PRELID2: variants seen among roughly 807,000 people sequenced by gnomAD.
PRELID2 encodes PRELI domain-containing protein 2.
Under a neutral mutation model 28.4 loss-of-function variants are expected in PRELID2, and 25 were observed. That is an observed-to-expected ratio of 0.88 (90% CI 0.64 to 1.23). PRELID2 has a LOEUF of 1.23. Ranked by LOEUF, PRELID2 falls within the 50% of genes most tolerant of loss-of-function variation. The probability of loss-of-function intolerance (pLI) is 0.00; values close to 1 mark genes in which losing one functional copy is unlikely to be tolerated. For missense variants in PRELID2, 201 were observed against 214.4 expected (o/e 0.94, Z 0.39); for synonymous variants, 76 against 71.6 (o/e 1.06, Z -0.31).
intron 1 of PRELID2, among the ~76,000 whole-genome samples, chr5:145,490,422 T>G (rs776532917): frequency 2.0e-4 from 30 of 152,220 alleles, no homozygotes; most frequent in Non-Finnish European, 4.1e-4. Context: ...TGATTACTTC[T>G]TCTCAAGCTC....
At chr5:145,815,078 A>G (rs547323706) in intron 4 of PRELID2, among the ~76,000 whole-genome samples, 2 of 152,286 alleles carry the variant, frequency 1.3e-5, no homozygotes, top group Admixed American at 6.5e-5. Context: ...TTGGGAGGTA[A>G]TTAGGTTTTC....
chr5:145,368,062 C>T, the PRELID2 span, among the ~76,000 whole-genome samples: 3 of 151,776 alleles, frequency 2.0e-5, no homozygotes, highest in Middle Eastern at 3.2e-3. Flanking sequence ...TCGGGGTTGT[C>T]GATGTTGTCT....
chr5:145,525,709 G>A (rs1328028679), intron 1 of PRELID2, among the ~76,000 whole-genome samples: 1 of 152,138 alleles, frequency 6.6e-6, no homozygotes, highest in African/African-American at 2.4e-5. Flanking sequence ...TACTCTCAAT[G>A]ATCGAAGAAC....
chr5:145,725,166 G>A (rs1340124457), intron 1 of PRELID2, among the ~76,000 whole-genome samples: 2 of 150,108 alleles, frequency 1.3e-5, no homozygotes, highest in Non-Finnish European at 3.0e-5. Context: ...AACAAGAAAA[G>A]AGCAATCCCA....
rs551491311 is a variant in PRELID2, at chr5:145,556,204, A to G, written n.71-82889T>C. On this transcript the variant is annotated intron_variant and non_coding_transcript_variant, in intron 1 of 2. Transcript: ENST00000510259. ...AAAAAAAAAAAAAAAAAAAGAAAAG[A>G]AAAGAAAACTTTTACTCAAACTAGG... is the stretch of plus-strand genomic sequence containing the variant. 2.0e-5 allele frequency among the ~76,000 whole-genome samples: 3 copies of G among 151,846 alleles called. No homozygotes were observed. The East Asian group carries it at 5.8e-4, about 29-fold the overall frequency.
chr5:145,819,011 T>G (rs1754570815), intron 3 of PRELID2, among the ~76,000 whole-genome samples: 1 of 152,176 alleles, frequency 6.6e-6, no homozygotes, highest in Non-Finnish European at 1.5e-5. Context: ...TCTCACCAGA[T>G]CTGATGGTTT....
At chr5:145,285,166 C>T in the PRELID2 span, among the ~76,000 whole-genome samples, 1 of 152,100 alleles carries the variant, frequency 6.6e-6, no homozygotes, top group African/African-American at 2.4e-5. Context: ...GTCTTCTTCC[C>T]TGTCTCAAGG....
At chr5:145,711,580 C>T (rs1381221453) in intron 1 of PRELID2, among the ~76,000 whole-genome samples, 1 of 152,158 alleles carries the variant, frequency 6.6e-6, no homozygotes, top group African/African-American at 2.4e-5. Flanking sequence ...TGGGTGCTTA[C>T]ATGGAAATCT....
At chr5:145,728,675 G>A in intron 1 of PRELID2, 1 of 1,528,978 alleles carries the variant, frequency 6.5e-7, no homozygotes. Context: ...GGTTATAGTT[G>A]ATGACCACTG....
At chr5:145,689,359 AAGG>A (rs1387441258) in intron 1 of PRELID2, among the ~76,000 whole-genome samples, 1 of 152,162 alleles carries the variant, frequency 6.6e-6, no homozygotes, top group Non-Finnish European at 1.5e-5. Context: ...TGACACTGCC[AAGG>A]AGAAGAAGCA....
intron 2 of PRELID2, among the ~76,000 whole-genome samples, chr5:145,822,339 T>TTTCTG (rs1343535145): frequency 6.6e-5 from 10 of 152,248 alleles, no homozygotes; most frequent in Non-Finnish European, 1.0e-4. Flanking sequence ...CTGCAAAGAA[T>TTTCTG]CAGGTGCTAA....
At chr5:145,639,242 A>G (rs1754054369) in intron 1 of PRELID2, among the ~76,000 whole-genome samples, 1 of 152,186 alleles carries the variant, frequency 6.6e-6, no homozygotes, top group Admixed American at 6.5e-5. Flanking sequence ...GTTAAGAGCA[A>G]TCTCAGAAGC....
chr5:145,379,639 G>A, the PRELID2 span, among the ~76,000 whole-genome samples: 2 of 152,252 alleles, frequency 1.3e-5, no homozygotes, highest in South Asian at 4.1e-4. Context: ...ATTTGGAGCG[G>A]GGAGCAGGGA....
rs1267489752 is a variant in PRELID2, at chr5:145,554,789, A to C, written n.71-81474T>G. On this transcript the variant is annotated intron_variant and non_coding_transcript_variant, in intron 1 of 2. Coordinates refer to the PRELID2 transcript ENST00000510259. Reference sequence around the variant, plus strand: ...TATTCCCCTTGTAAGAATTTTACTCAGGACAAGTAGCAGTGATTTAACAGT... The same window carrying C: ...TATTCCCCTTGTAAGAATTTTACTCCGGACAAGTAGCAGTGATTTAACAGT... Among the ~76,000 whole-genome samples the C allele has an allele frequency of 2.0e-5, 3 of 152,328 alleles. No homozygotes were observed. In the East Asian group the frequency reaches 5.8e-4, roughly 29 times the overall value.
At chr5:145,466,402 T>A in the PRELID2 span, among the ~76,000 whole-genome samples, 1 of 152,174 alleles carries the variant, frequency 6.6e-6, no homozygotes, top group East Asian at 1.9e-4. Flanking sequence ...AGTTTACTAC[T>A]TGGAAATAGT....
At chr5:145,229,908 TC>T in the PRELID2 span, 1 of 748,754 alleles carries the variant, frequency 1.3e-6, no homozygotes. Flanking sequence ...TGGCTGGGAG[TC>T]CCCACTGTCT....
At chr5:145,362,055 A>G in the PRELID2 span, among the ~76,000 whole-genome samples, 11 of 152,292 alleles carry the variant, frequency 7.2e-5, no homozygotes, top group South Asian at 2.3e-3. Context: ...CATTACTAGA[A>G]TGCACATTTT....
the PRELID2 span, among the ~76,000 whole-genome samples, chr5:145,389,503 T>C: frequency 2.0e-5 from 3 of 152,184 alleles, no homozygotes; most frequent in Non-Finnish European, 4.4e-5. Context: ...AAGTAATGCA[T>C]TAAAATGTAA....
the PRELID2 span, among the ~76,000 whole-genome samples, chr5:145,283,829 GAGAGGAAATTAATTATGTATGTTC>G: frequency 1.3e-5 from 2 of 152,134 alleles, no homozygotes; most frequent in African/African-American, 4.8e-5. Flanking sequence ...AAATTGATTT[GAGAGGAAATTAATTATGTATGTTC>G]AGCTAAAAAC....
Sources: allele counts gnomAD v4.1 joint callset (sites outside exome capture counted in the v4.1 genomes callset), GRCh38; gene constraint gnomAD v4.1.1; transcripts MANE v1.5; gene names NCBI Gene and HGNC (gene_info 2026-07-23, HGNC 2026-07-21).